The following GNA12 variants were observed in gnomAD, a reference collection of about 807,000 sequenced individuals.
The protein encoded by GNA12 is guanine nucleotide-binding protein subunit alpha-12.
In GNA12, 9 loss-of-function variants were observed where a neutral mutation model predicts 26.0. That is an observed-to-expected ratio of 0.35 (90% CI 0.21 to 0.60). The LOEUF (loss-of-function observed/expected upper bound fraction) is 0.60, where lower values mean the gene tolerates loss of function less well. GNA12 is among the 20% of genes least tolerant of loss of function. GNA12 has a pLI of 0.78. For synonymous variants in GNA12, 264 were observed against 219.6 expected, an observed-to-expected ratio of 1.20 and a Z score of -1.79; for missense variants, 405 against 525.8, an observed-to-expected ratio of 0.77 and a Z score of 2.25.
chr7:2,786,936 C>T (rs147671238), intron 2 of GNA12, among the ~76,000 whole-genome samples: 2 of 152,290 alleles, frequency 1.3e-5, no homozygotes, highest in East Asian at 1.9e-4. Context: ...GCCAAGCCCC[C>T]GGCAAGGAAG....
chr7:2,752,786 C>T (rs1791100945), intron 2 of GNA12, among the ~76,000 whole-genome samples: 1 of 152,080 alleles, frequency 6.6e-6, no homozygotes, highest in South Asian at 2.1e-4. Flanking sequence ...GCAAAGATTG[C>T]CTAGAGAGGT....
chr7:2,754,458 C>T (rs1316455130), intron 2 of GNA12, among the ~76,000 whole-genome samples: 1 of 152,010 alleles, frequency 6.6e-6, no homozygotes, highest in Non-Finnish European at 1.5e-5. Context: ...CTAAGAGGAT[C>T]TGGGCAGGGC....
chr7:2,788,684 C>A (rs1365967827), intron 2 of GNA12, among the ~76,000 whole-genome samples: 2 of 152,160 alleles, frequency 1.3e-5, no homozygotes, highest in Non-Finnish European at 2.9e-5. Context: ...AGCTGTGCAG[C>A]CAGGAAAGAA....
intron 1 of GNA12, among the ~76,000 whole-genome samples, chr7:2,817,337 T>C: frequency 6.6e-6 from 1 of 152,102 alleles, no homozygotes; most frequent in Admixed American, 6.5e-5. Context: ...AACTCCTGAC[T>C]TCAGGTGATT....
chr7:2,740,514 C>A (rs906852939), intron 2 of GNA12, among the ~76,000 whole-genome samples: 2 of 152,168 alleles, frequency 1.3e-5, no homozygotes, highest in Non-Finnish European at 2.9e-5. Flanking sequence ...ATCTCCAGAG[C>A]TGTGAGAAAA....
chr7:2,738,553 T>A (rs1790332052), intron 2 of GNA12, among the ~76,000 whole-genome samples: 1 of 151,954 alleles, frequency 6.6e-6, no homozygotes, highest in Non-Finnish European at 1.5e-5. Flanking sequence ...CTAAAACCCA[T>A]ATTCTGCTTG....
chr7:2,789,196 C>T lies in GNA12; in HGVS notation c.525+5732G>A, dbSNP rs1207150609. ...TGTCGCCCAGGCTGGAGTGCAGTGG[C>T]GGGATCTCGGCTCACTGCAAGCTCC... On this transcript the variant is annotated intron_variant, in intron 2 of 3. Transcript: ENST00000275364. Among the ~76,000 whole-genome samples the T allele has an allele frequency of 1.2e-3, 136 of 117,216 alleles. 2 individuals are homozygous for T. The highest frequency in any genetic ancestry group is 4.3e-3 in the African/African-American group (128 of 29,554). 76.9% of individuals were successfully genotyped at this position (117,216 alleles called of 152,430 possible).
At chr7:2,765,569 A>G (rs1408130729) in intron 2 of GNA12, among the ~76,000 whole-genome samples, 2 of 152,042 alleles carry the variant, frequency 1.3e-5, no homozygotes, top group South Asian at 2.1e-4. Flanking sequence ...AATTAAAGGT[A>G]AAGAAAACCA....
intron 2 of GNA12, among the ~76,000 whole-genome samples, chr7:2,741,799 G>A (rs188309523): frequency 1.1e-4 from 17 of 150,950 alleles, no homozygotes; most frequent in Non-Finnish European, 2.2e-4. Flanking sequence ...CTACAACCAC[G>A]GCAACTTCAG....
In GNA12 at chr7:2,763,257, AT is replaced by A. The variant is rs1412429215; in HGVS notation, c.526-29757del. On this transcript the variant is annotated intron_variant, in intron 2 of 3. Coordinates refer to ENST00000275364, the MANE Select transcript of GNA12 (RefSeq NM_007353.3). ...GGTCTCAACACAGTTCAGAAAACACATTTGCCTTCCCAGGCCCGTGGGAGGA... is the reference window on the plus strand; with the variant it reads ...GGTCTCAACACAGTTCAGAAAACACATTGCCTTCCCAGGCCCGTGGGAGGA... 4 of 344,558 alleles carry A rather than the reference AT, an allele frequency of 1.2e-5. No homozygotes were observed. In the East Asian group the frequency reaches 4.6e-4, roughly 39 times the overall value. The allele number at this position is 344,558 out of a possible 1,614,324, so 21.3% of individuals were successfully genotyped here. A position where few individuals can be genotyped will look rare whatever the true frequency, so the allele number is the denominator to read the frequency against.
intron 3 of GNA12, among the ~76,000 whole-genome samples, chr7:2,732,975 G>A (rs779658329): frequency 2.6e-5 from 4 of 152,124 alleles, no homozygotes; most frequent in Non-Finnish European, 4.4e-5. Flanking sequence ...TTGACATTAC[G>A]GAATTACTGC....
intron 1 of GNA12, among the ~76,000 whole-genome samples, chr7:2,827,903 C>T (rs146369243): frequency 4.5e-4 from 68 of 149,470 alleles, no homozygotes; most frequent in African/African-American, 1.6e-3. Flanking sequence ...ATTCTCCCTA[C>T]CCCCGATACT....
intron 2 of GNA12, among the ~76,000 whole-genome samples, chr7:2,776,931 C>A (rs965754030): frequency 6.6e-6 from 1 of 150,694 alleles, no homozygotes; most frequent in African/African-American, 2.4e-5. Flanking sequence ...GCCTGGGTGA[C>A]AGAGACTCTG....
rs1030823898 is a variant in GNA12 at position 2,778,198 on chromosome 7, T to G, written c.525+16730A>C. On this transcript the variant is annotated intron_variant, in intron 2 of 3. Transcript: ENST00000275364. The stretch of plus-strand genomic sequence containing the variant: ...TAAAAAAAAGCATATTTCGCCACAA[T>G]TTTTTCAAAAAGAGAAAAGAAAAAA... Among the ~76,000 whole-genome samples, 2 of 152,192 alleles carry G rather than the reference T, an allele frequency of 1.3e-5. 1 individual carries two copies. The highest frequency in any genetic ancestry group is 4.1e-4 in the South Asian group (2 of 4,832).
intron 2 of GNA12, among the ~76,000 whole-genome samples, chr7:2,755,899 T>C (rs542438254): frequency 9.2e-5 from 14 of 152,368 alleles, no homozygotes; most frequent in African/African-American, 2.9e-4. Context: ...GCTCCCCAAA[T>C]TGATCTAGAT....
At chr7:2,793,277 C>G (rs932351667) in intron 2 of GNA12, among the ~76,000 whole-genome samples, 7 of 146,686 alleles carry the variant, frequency 4.8e-5, no homozygotes, top group Admixed American at 1.3e-4. Context: ...ATCCAGCAGA[C>G]AGGAGCGCGA....
At chr7:2,815,425 G>A (rs1324401378) in intron 1 of GNA12, among the ~76,000 whole-genome samples, 2 of 152,198 alleles carry the variant, frequency 1.3e-5, no homozygotes, top group Admixed American at 1.3e-4. Context: ...GAGGGAGGCT[G>A]GAGCGTGTAG....
At chr7:2,840,651 G>A in intron 1 of GNA12, among the ~76,000 whole-genome samples, 1 of 152,178 alleles carries the variant, frequency 6.6e-6, no homozygotes, top group East Asian at 1.9e-4. Context: ...TTGAGTTCAA[G>A]AGCTCAAGAC....
intron 1 of GNA12, among the ~76,000 whole-genome samples, chr7:2,806,207 G>A (rs1241699798): frequency 3.9e-5 from 6 of 152,198 alleles, no homozygotes; most frequent in East Asian, 3.9e-4. Flanking sequence ...GGTCGGGGGC[G>A]GTGGCTCACG....
Sources: allele counts gnomAD v4.1 joint callset (sites outside exome capture counted in the v4.1 genomes callset), GRCh38; gene constraint gnomAD v4.1.1; transcripts MANE v1.5; gene names NCBI Gene and HGNC (gene_info 2026-07-23, HGNC 2026-07-21).